The following MAST4 variants were observed in gnomAD, a reference collection of about 807,000 sequenced individuals.
MAST4 encodes the protein microtubule-associated serine/threonine-protein kinase 4.
In MAST4, 89 loss-of-function variants were observed where a neutral mutation model predicts 162.7. That is an observed-to-expected ratio of 0.55 (90% CI 0.46 to 0.65). The LOEUF (loss-of-function observed/expected upper bound fraction) is 0.65. Among genes scored for constraint, MAST4 ranks in the 30% least tolerant of loss-of-function variants. MAST4 has a pLI of 0.00. For missense variants in MAST4, 3,153 were observed against 3,374.0 expected, an observed-to-expected ratio of 0.93 and a Z score of 1.62; for synonymous variants, 1,479 against 1,361.1, an observed-to-expected ratio of 1.09 and a Z score of -1.91.
chr5:66,939,735 T>C (rs1743158657), intron 4 of MAST4, among the ~76,000 whole-genome samples: 1 of 152,108 alleles, frequency 6.6e-6, no homozygotes, highest in South Asian at 2.1e-4. Flanking sequence ...TCAGAGATAT[T>C]GCTGGGTTTT....
chr5:66,751,459 G>C (rs1753162413), intron 1 of MAST4, among the ~76,000 whole-genome samples: 1 of 152,196 alleles, frequency 6.6e-6, no homozygotes, highest in Admixed American at 6.5e-5. Flanking sequence ...AGGAGCTGAT[G>C]GAGCTGAAAA....
chr5:66,611,923 T>C (rs1579986018), intron 1 of MAST4, among the ~76,000 whole-genome samples: 1 of 152,232 alleles, frequency 6.6e-6, no homozygotes, highest in African/African-American at 2.4e-5. Context: ...TAAATCAGTG[T>C]CATGGATGTT....
At chr5:66,951,598 ATGTG>A (rs59043309) in intron 4 of MAST4, among the ~76,000 whole-genome samples, 21,681 of 122,000 alleles carry the variant, frequency 0.18, 1,471 homozygotes, top group African/African-American at 0.19. Flanking sequence ...CTCCCATGAT[ATGTG>A]TGTGTGTGTG....
intron 1 of MAST4, among the ~76,000 whole-genome samples, chr5:66,746,404 G>A (rs966078110): frequency 3.9e-5 from 6 of 152,168 alleles, no homozygotes; most frequent in African/African-American, 1.4e-4. Context: ...CTTTGTAGTT[G>A]GGCATCTTGG....
At chr5:66,615,729 G>A (rs1743630367) in intron 1 of MAST4, among the ~76,000 whole-genome samples, 1 of 152,068 alleles carries the variant, frequency 6.6e-6, no homozygotes, top group Admixed American at 6.5e-5. Flanking sequence ...GGAGGATTGA[G>A]CCCAGGAATT....
chr5:66,984,403 G>A (rs1223633144), intron 4 of MAST4, among the ~76,000 whole-genome samples: 1 of 152,208 alleles, frequency 6.6e-6, no homozygotes, highest in Non-Finnish European at 1.5e-5. Context: ...TCATAAGTTG[G>A]AGTAAGGAGA....
intron 4 of MAST4, among the ~76,000 whole-genome samples, chr5:66,982,390 T>C (rs1748970800): frequency 6.6e-6 from 1 of 152,106 alleles, no homozygotes; most frequent in Non-Finnish European, 1.5e-5. Context: ...TAATATCGAG[T>C]GATCTGAATG....
intron 4 of MAST4, among the ~76,000 whole-genome samples, chr5:66,931,985 A>C (rs1742242751): frequency 6.6e-6 from 1 of 152,174 alleles, no homozygotes; most frequent in Non-Finnish European, 1.5e-5. Flanking sequence ...GAATGGTATG[A>C]AGTATATCTT....
At chr5:66,994,842 A>T (rs554496718) in intron 4 of MAST4, among the ~76,000 whole-genome samples, 20 of 152,342 alleles carry the variant, frequency 1.3e-4, no homozygotes, top group African/African-American at 4.8e-4. Context: ...TCATGTCTAG[A>T]TAATGTTAAA....
rs185243941 is a variant in MAST4 at position 66,829,273 on chromosome 5, C to G, written c.642+40479C>G. On this transcript the variant is annotated intron_variant, in intron 3 of 28. Coordinates refer to ENST00000403625, the MANE Select transcript of MAST4 (RefSeq NM_001164664.2). ...GCAGGACTCAGTTTTGTGTCGGGAT[C>G]AACCTCCGCTCGGCGGCATCTGTCT... Among the ~76,000 whole-genome samples the G allele has an allele frequency of 2.4e-3, 360 of 152,122 alleles. 4 individuals carry two copies. Among genetic ancestry groups the G allele is most frequent in the Admixed American group, 6.4e-3 (98 of 15,266 alleles).
intron 3 of MAST4, among the ~76,000 whole-genome samples, chr5:66,891,466 C>CT (rs1367590549): frequency 6.6e-6 from 1 of 152,146 alleles, no homozygotes; most frequent in African/African-American, 2.4e-5. Context: ...CCAGAGTAAT[C>CT]TTTTTTAACA....
At chr5:66,747,974 C>T (rs1214719840) in intron 1 of MAST4, among the ~76,000 whole-genome samples, 2 of 152,166 alleles carry the variant, frequency 1.3e-5, no homozygotes, top group Non-Finnish European at 1.5e-5. Context: ...AAGGTTAGCA[C>T]AGCAGATGGA....
intron 4 of MAST4, among the ~76,000 whole-genome samples, chr5:67,003,183 T>C (rs1054551744): frequency 6.6e-6 from 1 of 152,078 alleles, no homozygotes; most frequent in Non-Finnish European, 1.5e-5. Flanking sequence ...TTAATATCTA[T>C]TGAAGTGTGT....
At chr5:67,100,367 A>T in intron 7 of MAST4, 68 bp from the exon 8 acceptor site, 1 of 1,523,998 alleles carries the variant, frequency 6.6e-7, no homozygotes, top group Non-Finnish European at 9.0e-7. Flanking sequence ...TAACTCATCG[A>T]TCTCTCCTGT....
At chr5:66,843,191 T>A (rs1758547723) in intron 3 of MAST4, among the ~76,000 whole-genome samples, 1 of 152,220 alleles carries the variant, frequency 6.6e-6, no homozygotes, top group Admixed American at 6.5e-5. Context: ...AAAAGGCTTC[T>A]ATGAGATAGC....
chr5:66,598,217 A>T (rs1742324886), intron 1 of MAST4, among the ~76,000 whole-genome samples: 1 of 152,204 alleles, frequency 6.6e-6, no homozygotes, highest in Admixed American at 6.5e-5. Context: ...AGCCACTTGC[A>T]GTAACCATGA....
At chr5:66,944,173 A>G (rs1047487596) in intron 4 of MAST4, among the ~76,000 whole-genome samples, 4 of 152,294 alleles carry the variant, frequency 2.6e-5, no homozygotes, top group African/African-American at 9.6e-5. Context: ...CTGCATGGCC[A>G]CATGAGTTGC....
intron 1 of MAST4, among the ~76,000 whole-genome samples, chr5:66,605,430 G>A (rs992181785): frequency 1.8e-4 from 28 of 152,300 alleles, no homozygotes; most frequent in South Asian, 8.3e-4. Flanking sequence ...GCCCTGTTAA[G>A]TCTATGCAAC....
At chr5:66,701,263 A>T (rs1749759013) in intron 1 of MAST4, among the ~76,000 whole-genome samples, 2 of 152,198 alleles carry the variant, frequency 1.3e-5, no homozygotes. Context: ...GATAAATCAT[A>T]CAACTTGCTT....
Sources: gnomAD v4.1 joint callset for allele counts (sites outside exome capture counted in the v4.1 genomes callset) on GRCh38, gnomAD v4.1.1 for gene constraint, MANE v1.5 for transcripts, NCBI Gene and HGNC (gene_info 2026-07-23, HGNC 2026-07-21) for gene names.